LRMDA: variants seen among roughly 807,000 people sequenced by gnomAD.
LRMDA encodes leucine-rich melanocyte differentiation-associated protein.
LRMDA carries 18 observed loss-of-function variants against 29.8 expected under a neutral mutation model. The ratio of observed to expected loss-of-function variants is 0.60; its 90% CI spans 0.42 to 0.90. The LOEUF (loss-of-function observed/expected upper bound fraction) is 0.90. Among genes scored for constraint, LRMDA ranks in the 40% least tolerant of loss-of-function variants. The probability of loss-of-function intolerance (pLI) is 0.00; values close to 1 mark genes in which losing one functional copy is unlikely to be tolerated. For synonymous variants in LRMDA, 125 were observed against 109.4 expected (o/e 1.14, Z -0.89); for missense variants, 273 against 273.9 (o/e 1.00, Z 0.02).
At chr10:76,178,656 G>A (rs1850985979) in intron 5 of LRMDA, among the ~76,000 whole-genome samples, 1 of 152,186 alleles carries the variant, frequency 6.6e-6, no homozygotes, top group African/African-American at 2.4e-5. Context: ...GCTCTACTCA[G>A]TAAGCCTCCT....
intron 2 of LRMDA, among the ~76,000 whole-genome samples, chr10:75,900,064 A>G (rs887616512): frequency 6.6e-6 from 1 of 152,204 alleles, no homozygotes; most frequent in South Asian, 2.1e-4. Flanking sequence ...GTTGATTTCT[A>G]TGAGATATAA....
chr10:76,415,843 A>G (rs1477078470), intron 6 of LRMDA, among the ~76,000 whole-genome samples: 2 of 152,198 alleles, frequency 1.3e-5, no homozygotes, highest in Non-Finnish European at 2.9e-5. Context: ...GGCTTTGTGA[A>G]GGCTGACTCC....
At chr10:75,782,948 GA>G in intron 2 of LRMDA, 1 of 1,613,674 alleles carries the variant, frequency 6.2e-7, no homozygotes, top group Non-Finnish European at 8.5e-7. Context: ...TCAAGAATTT[GA>G]ATGTCAATAT....
chr10:76,397,570 G>A lies in LRMDA; in HGVS notation c.601+73085G>A, dbSNP rs1338127263. Among the ~76,000 whole-genome samples the A allele has an allele frequency of 5.9e-5, 9 of 152,162 alleles. No individual in the cohort carries two copies. The East Asian group carries it at 9.6e-4, about 16-fold the overall frequency. Reference sequence around the variant, plus strand: ...AACCACACGGCATAATTTATTTTACGATTCCCTCTCGGCACCAGGTCTGGG... The same window carrying A: ...AACCACACGGCATAATTTATTTTACAATTCCCTCTCGGCACCAGGTCTGGG... On this transcript the variant is annotated intron_variant, in intron 6 of 6. Transcript: ENST00000611255.
At chr10:75,990,799 C>T (rs1033461023) in intron 2 of LRMDA, among the ~76,000 whole-genome samples, 9 of 152,076 alleles carry the variant, frequency 5.9e-5, no homozygotes, top group Non-Finnish European at 1.0e-4. Context: ...TGCTGGGACT[C>T]GAATGAGGGA....
At chr10:75,468,533 C>G (rs1189676026) in intron 2 of LRMDA, among the ~76,000 whole-genome samples, 1 of 152,102 alleles carries the variant, frequency 6.6e-6, no homozygotes, top group African/African-American at 2.4e-5. Context: ...TGCTGTGGCC[C>G]CAGTGCTCAT....
chr10:76,137,165 A>G (rs1850110448), intron 5 of LRMDA, among the ~76,000 whole-genome samples: 1 of 152,226 alleles, frequency 6.6e-6, no homozygotes, highest in African/African-American at 2.4e-5. Context: ...GCCTTCTGCC[A>G]AGCCTTCTTG....
intron 5 of LRMDA, among the ~76,000 whole-genome samples, chr10:76,231,458 A>C (rs982637136): frequency 6.6e-6 from 1 of 152,230 alleles, no homozygotes; most frequent in African/African-American, 2.4e-5. Flanking sequence ...TGGAGAATGC[A>C]GAGAGACCCA....
intron 2 of LRMDA, among the ~76,000 whole-genome samples, chr10:75,756,138 C>G (rs1843029444): frequency 6.6e-6 from 1 of 152,150 alleles, no homozygotes; most frequent in Non-Finnish European, 1.5e-5. Flanking sequence ...GTTTGCTTAC[C>G]ATATCCATTC....
chr10:76,274,780 A>T (rs1484156022), intron 5 of LRMDA, among the ~76,000 whole-genome samples: 1 of 152,170 alleles, frequency 6.6e-6, no homozygotes, highest in African/African-American at 2.4e-5. Context: ...CAAAAATCAT[A>T]TATGTCAATT....
intron 2 of LRMDA, among the ~76,000 whole-genome samples, chr10:75,483,077 T>C (rs1469533135): frequency 2.0e-5 from 3 of 152,136 alleles, no homozygotes; most frequent in Non-Finnish European, 2.9e-5. Flanking sequence ...CCTGAGTAGC[T>C]GGGACTGTAG....
intron 2 of LRMDA, among the ~76,000 whole-genome samples, chr10:75,914,685 C>G (rs572079357): frequency 1.3e-5 from 2 of 152,324 alleles, no homozygotes; most frequent in East Asian, 1.9e-4. Context: ...TAACTAACCT[C>G]TCTCTTATCC....
At chr10:75,572,206 C>T (rs556918007) in intron 2 of LRMDA, among the ~76,000 whole-genome samples, 4 of 152,286 alleles carry the variant, frequency 2.6e-5, no homozygotes, top group Non-Finnish European at 5.9e-5. Flanking sequence ...CCTGCCTTGG[C>T]CTCCCAAAGT....
intron 2 of LRMDA, among the ~76,000 whole-genome samples, chr10:75,853,860 T>C (rs1030250561): frequency 2.0e-5 from 3 of 152,154 alleles, no homozygotes; most frequent in Admixed American, 2.0e-4. Flanking sequence ...ATTAGATTCC[T>C]ACCCATAGTA....
At chr10:75,905,897 G>A (rs891522095) in intron 2 of LRMDA, among the ~76,000 whole-genome samples, 1 of 151,726 alleles carries the variant, frequency 6.6e-6, no homozygotes, top group African/African-American at 2.4e-5. Context: ...GGAGGAGGTG[G>A]GAGTGATGGT....
At chr10:75,450,666 C>A (rs780807297) in intron 2 of LRMDA, 1 of 152,190 alleles carries the variant, frequency 6.6e-6, no homozygotes, top group Non-Finnish European at 1.5e-5. Flanking sequence ...GAAATATTTT[C>A]CCCATAATTG....
chr10:76,078,040 T>G (rs1375118189), intron 5 of LRMDA, among the ~76,000 whole-genome samples: 1 of 131,264 alleles, frequency 7.6e-6, no homozygotes, highest in Non-Finnish European at 1.6e-5. Flanking sequence ...AGATGGAGTC[T>G]CGCTCTGTCG....
chr10:76,390,530 A>AATGTTAAG (rs1244465694), intron 6 of LRMDA, among the ~76,000 whole-genome samples: 2 of 151,898 alleles, frequency 1.3e-5, no homozygotes, highest in African/African-American at 4.8e-5. Flanking sequence ...AAGAAAACTC[A>AATGTTAAG]ATGTTAAGTG....
At chr10:75,842,980 C>T (rs1844567833) in intron 2 of LRMDA, among the ~76,000 whole-genome samples, 1 of 152,138 alleles carries the variant, frequency 6.6e-6, no homozygotes, top group Admixed American at 6.5e-5. Flanking sequence ...ATGATGGCAC[C>T]ACTACCCTCT....
Sources: allele counts gnomAD v4.1 joint callset (sites outside exome capture counted in the v4.1 genomes callset), GRCh38; gene constraint gnomAD v4.1.1; transcripts MANE v1.5; gene names NCBI Gene and HGNC (gene_info 2026-07-23, HGNC 2026-07-21).